The following CSK variants were observed in gnomAD, a reference collection of about 807,000 sequenced individuals.
CSK encodes tyrosine-protein kinase CSK.
In CSK, 7 loss-of-function variants were observed where a neutral mutation model predicts 62.3. That is an observed-to-expected ratio of 0.11 (90% confidence interval 0.06 to 0.21). The LOEUF (loss-of-function observed/expected upper bound fraction) is 0.21, where lower values mean the gene tolerates loss of function less well. Ranked by LOEUF, CSK falls within the 10% of genes least tolerant of loss-of-function variation. The pLI, the probability that CSK is intolerant of heterozygous loss-of-function variation, is 1.00. For missense variants in CSK, 294 were observed against 613.5 expected (o/e 0.48, Z 5.50); for synonymous variants, 237 against 246.0 (o/e 0.96, Z 0.34).
In CSK at chr15:74,798,818, CT is replaced by C. The variant is rs771972986; in HGVS notation, c.130-7del. 5 of 1,601,562 alleles carry C rather than the reference CT, an allele frequency of 3.1e-6. No homozygotes were observed. Among genetic ancestry groups the C allele is most frequent in the Non-Finnish European group, 4.3e-6 (5 of 1,172,674 alleles). ...CCTGAGAGCATGTCTGGGCTGCCCT[CT>C]CCCCAGGACCCCAACTGGTACAAAG... On this transcript the variant is annotated splice_polypyrimidine_tract_variant and splice_region_variant and intron_variant, in intron 3 of 12. Coordinates refer to ENST00000220003, the MANE Select transcript of CSK (RefSeq NM_004383.3). The surrounding 1 kb of genome is among the most constrained non-coding windows in gnomAD (Gnocchi z 6.6).
intron 1 of CSK, among the ~76,000 whole-genome samples, chr15:74,787,486 G>C (rs2063541222): frequency 6.6e-6 from 1 of 152,186 alleles, no homozygotes; most frequent in Admixed American, 6.5e-5. Context: ...GAAAGGAGAA[G>C]TGGTTTGTCA....
chr15:74,783,735 T>G (rs1048082148), intron 1 of CSK, among the ~76,000 whole-genome samples: 3 of 151,966 alleles, frequency 2.0e-5, no homozygotes, highest in African/African-American at 7.3e-5. Context: ...GCAGGAGATG[T>G]GGGGAATGTG....
chr15:74,783,572 G>A (rs551818068), intron 1 of CSK, among the ~76,000 whole-genome samples: 1 of 152,330 alleles, frequency 6.6e-6, no homozygotes, highest in South Asian at 2.1e-4. Context: ...GATGGCTGTG[G>A]GTGGAAGGAA....
At chr15:74,786,073 T>C (rs2063518204) in intron 1 of CSK, among the ~76,000 whole-genome samples, 1 of 147,104 alleles carries the variant, frequency 6.8e-6, no homozygotes, top group Non-Finnish European at 1.5e-5. Context: ...TTGCCCAGTC[T>C]GGAGTGCAAT....
Position 74,802,640 on chromosome 15 carries a change from G to T in CSK, c.*127G>T. Reference sequence around the variant, plus strand: ...GCGGGCTGGCGGGCCTTTTTCCTGCGTCCCAGCCTGCACCCCTCCGGCCCC... The same window carrying T: ...GCGGGCTGGCGGGCCTTTTTCCTGCTTCCCAGCCTGCACCCCTCCGGCCCC... On this transcript the variant is annotated 3_prime_UTR_variant, in exon 13 of 13. Transcript: ENST00000220003. 1.7e-6 allele frequency: 2 copies of T among 1,195,176 alleles called. No homozygotes were observed. Among genetic ancestry groups the T allele is most frequent in the Non-Finnish European group, 2.3e-6 (2 of 864,066 alleles). The allele number at this position is 1,195,176 out of a possible 1,614,324, so 74.0% of individuals were successfully genotyped here.
In CSK at chr15:74,793,846, C is replaced by T. The variant is rs891340754; in HGVS notation, c.-65-4387C>T. On this transcript the variant is annotated intron_variant, in intron 1 of 12. Transcript: ENST00000220003. The stretch of plus-strand genomic sequence containing the variant: ...ACAGCGCAGCAGCCTCCGCGCCCCC[C>T]TGTGGTGGCAGGGAGTTTGGGGAGG... Among the ~76,000 whole-genome samples the T allele has an allele frequency of 1.6e-4, 25 of 152,040 alleles. 1 individual carries two copies. Among genetic ancestry groups the T allele is most frequent in the Non-Finnish European group, 2.6e-4 (18 of 67,982 alleles).
chr15:74,800,654 C>T (rs1265100196), intron 6 of CSK, 27 bp from the exon 7 acceptor site: 1 of 1,539,384 alleles, frequency 6.5e-7, no homozygotes, highest in African/African-American at 1.4e-5. Flanking sequence ...TAGTGGCCTC[C>T]AGGCCCTCAC....
At chr15:74,797,249 T>C (rs1468471387) in intron 1 of CSK, among the ~76,000 whole-genome samples, 2 of 152,188 alleles carry the variant, frequency 1.3e-5, no homozygotes, top group Admixed American at 1.3e-4. Flanking sequence ...CTAGCCATCA[T>C]TATGTTTTGA....
intron 1 of CSK, among the ~76,000 whole-genome samples, chr15:74,790,179 A>AG (rs1358018352): frequency 1.3e-5 from 2 of 152,232 alleles, no homozygotes; most frequent in Non-Finnish European, 2.9e-5. Flanking sequence ...TCCGGGGGCC[A>AG]GGGCCCTGAG....
chr15:74,797,196 C>T (rs1430143365), intron 1 of CSK, among the ~76,000 whole-genome samples: 1 of 152,220 alleles, frequency 6.6e-6, no homozygotes, highest in African/African-American at 2.4e-5. Flanking sequence ...CTGTCTGCCT[C>T]AGCTTCCCAA....
chr15:74,802,313 G>A lies in CSK; in HGVS notation c.1171-18G>A. 1.3e-6 allele frequency: 2 copies of A among 1,566,254 alleles called. No homozygotes were observed. Among genetic ancestry groups the A allele is most frequent in the Non-Finnish European group, 1.7e-6 (2 of 1,162,032 alleles). ...GAGGCCAGGGCCTGGACTGACTCCT[G>A]CCTCCCCCTGGCCACAGCCCCTGAA... On this transcript the variant is annotated intron_variant, in intron 12 of 12. Coordinates refer to ENST00000220003, the MANE Select transcript of CSK (RefSeq NM_004383.3).
At chr15:74,795,805 A>G (rs2063695857) in intron 1 of CSK, among the ~76,000 whole-genome samples, 1 of 152,238 alleles carries the variant, frequency 6.6e-6, no homozygotes, top group South Asian at 2.1e-4. Flanking sequence ...AAACTTAACT[A>G]CTAATAGCCT....
At chr15:74,791,800 G>A (rs1376028447) in intron 1 of CSK, among the ~76,000 whole-genome samples, 1 of 152,236 alleles carries the variant, frequency 6.6e-6, no homozygotes, top group East Asian at 1.9e-4. Flanking sequence ...AGCTCTGGCA[G>A]GAACGCCCCC....
intron 1 of CSK, among the ~76,000 whole-genome samples, chr15:74,792,048 A>G (rs1039229055): frequency 2.0e-5 from 3 of 152,128 alleles, no homozygotes; most frequent in African/African-American, 7.2e-5. Flanking sequence ...TCCATACTCT[A>G]TCATGGGGAG....
chr15:74,797,329 G>A (rs1415636785), intron 1 of CSK, among the ~76,000 whole-genome samples: 1 of 152,200 alleles, frequency 6.6e-6, no homozygotes, highest in Non-Finnish European at 1.5e-5. Context: ...GCCGAGGTGG[G>A]TGGATCACCT....
chr15:74,785,931 C>A (rs1421259280), intron 1 of CSK, among the ~76,000 whole-genome samples: 1 of 151,898 alleles, frequency 6.6e-6, no homozygotes, highest in African/African-American at 2.4e-5. Context: ...GGACCTGACT[C>A]CACCCATTCC....
At position 74,803,097 on chromosome 15, in the gene CSK, T is replaced by A. The variant is rs1394983003; in HGVS notation, c.*584T>A. 6.5e-6 allele frequency: 1 copy of A among 153,214 alleles called. No individual in the cohort carries two copies. The highest frequency in any genetic ancestry group is 1.5e-5 in the Non-Finnish European group (1 of 68,518). 9.5% of individuals were successfully genotyped at this position (153,214 alleles called of 1,614,324 possible). A position where few individuals can be genotyped will look rare whatever the true frequency, so the allele number is the denominator to read the frequency against. On this transcript the variant is annotated 3_prime_UTR_variant, in exon 13 of 13. Coordinates refer to ENST00000220003, the MANE Select transcript of CSK (RefSeq NM_004383.3). ...GCAGACGTCTGTCAGGGGCTTGGAT[T>A]TCGTGTGCCGCTGCCACCCGCCCAC...
chr15:74,798,000 A>C, intron 1 of CSK: 1 of 366,264 alleles, frequency 2.7e-6, no homozygotes. Flanking sequence ...TCAGTCCTGG[A>C]AGGCCCCCTG....
At chr15:74,792,798 C>T (rs549714918) in intron 1 of CSK, among the ~76,000 whole-genome samples, 1 of 152,320 alleles carries the variant, frequency 6.6e-6, no homozygotes, top group Non-Finnish European at 1.5e-5. Flanking sequence ...CAGCCTGTTC[C>T]CGGGACCCCA....
Sources: allele counts gnomAD v4.1 joint callset (sites outside exome capture counted in the v4.1 genomes callset), GRCh38; gene constraint gnomAD v4.1.1; non-coding constraint Gnocchi (gnomAD v3.1); transcripts MANE v1.5; gene names NCBI Gene and HGNC (gene_info 2026-07-23, HGNC 2026-07-21).